The following CDYL2 variants were observed in gnomAD, a reference collection of about 807,000 sequenced individuals.
CDYL2 encodes the protein chromodomain Y-like protein 2.
In CDYL2, 23 loss-of-function variants were observed where a neutral mutation model predicts 49.4. That is an observed-to-expected ratio of 0.47 (90% CI 0.34 to 0.66). CDYL2 has a LOEUF of 0.66. Ranked by LOEUF, CDYL2 falls within the 30% of genes least tolerant of loss-of-function variation. CDYL2 has a pLI of 0.01. For missense variants in CDYL2, 678 were observed against 656.4 expected (o/e 1.03, Z -0.36); for synonymous variants, 360 against 268.8 (o/e 1.34, Z -3.32).
chr16:80,666,021 G>A (rs961394676), intron 2 of CDYL2, among the ~76,000 whole-genome samples: 2 of 152,198 alleles, frequency 1.3e-5, no homozygotes, highest in Non-Finnish European at 2.9e-5. Context: ...AAAGCAGGAA[G>A]CTCCACCTGA....
In CDYL2 at chr16:80,617,048, C is replaced by G. The variant is rs188838528; in HGVS notation, c.1007+3715G>C. Among the ~76,000 whole-genome samples, 235 of 152,310 alleles carry G rather than the reference C, an allele frequency of 1.5e-3. 1 individual carries two copies. Among genetic ancestry groups the G allele is most frequent in the Non-Finnish European group, 3.0e-3 (201 of 68,030 alleles). ...TCCTGAATACCACGTTTGAACAAGC[C>G]ACCTTGTCACCTATGACAAGTTCAG... On this transcript the variant is annotated intron_variant, in intron 4 of 6. Transcript: ENST00000570137.
chr16:80,610,432 T>C (rs1221658787), intron 5 of CDYL2, among the ~76,000 whole-genome samples: 1 of 152,148 alleles, frequency 6.6e-6, no homozygotes, highest in Non-Finnish European at 1.5e-5. Flanking sequence ...AGTCTGTTCC[T>C]AAAAAGGAAC....
intron 3 of CDYL2, among the ~76,000 whole-genome samples, chr16:80,623,353 T>A (rs1907166108): frequency 1.3e-5 from 2 of 152,134 alleles, no homozygotes; most frequent in South Asian, 4.1e-4. Flanking sequence ...CTACCTCAGA[T>A]GAACCAACAA....
At chr16:80,740,455 T>G (rs1315107834) in intron 1 of CDYL2, among the ~76,000 whole-genome samples, 1 of 152,200 alleles carries the variant, frequency 6.6e-6, no homozygotes, top group Non-Finnish European at 1.5e-5. Flanking sequence ...GTACACAAAA[T>G]TTCAGCATTA....
intron 2 of CDYL2, among the ~76,000 whole-genome samples, chr16:80,666,833 T>C (rs1464773907): frequency 1.3e-5 from 2 of 152,200 alleles, no homozygotes; most frequent in Non-Finnish European, 2.9e-5. Flanking sequence ...TTAAGTCCTC[T>C]CTTTCATCTA....
At chr16:80,714,346 C>T (rs866725924) in intron 1 of CDYL2, among the ~76,000 whole-genome samples, 7 of 152,110 alleles carry the variant, frequency 4.6e-5, no homozygotes, top group East Asian at 1.9e-4. Flanking sequence ...GTTCCCCACA[C>T]GAAGAAATGA....
intron 2 of CDYL2, among the ~76,000 whole-genome samples, chr16:80,646,376 T>C (rs913211861): frequency 1.3e-5 from 2 of 151,884 alleles, no homozygotes; most frequent in African/African-American, 4.8e-5. Flanking sequence ...GGAAAAGAAG[T>C]GCACAGAATT....
chr16:80,754,374 C>A (rs937489207), intron 1 of CDYL2, among the ~76,000 whole-genome samples: 1 of 152,122 alleles, frequency 6.6e-6, no homozygotes, highest in Non-Finnish European at 1.5e-5. Flanking sequence ...TTGGAACAAA[C>A]AGAGATTAAG....
chr16:80,632,685 G>A (rs1361174280), intron 3 of CDYL2: 9 of 299,678 alleles, frequency 3.0e-5, no homozygotes, highest in Non-Finnish European at 5.8e-5. Flanking sequence ...ATGACATGCT[G>A]ATGACAACAA....
At chr16:80,640,185 C>A (rs755985175) in intron 2 of CDYL2, among the ~76,000 whole-genome samples, 5 of 152,284 alleles carry the variant, frequency 3.3e-5, no homozygotes, top group Middle Eastern at 3.4e-3. Flanking sequence ...CCAGACTGCA[C>A]ACCTCAAGTA....
chr16:80,632,238 A>G (rs1907596469), intron 3 of CDYL2, among the ~76,000 whole-genome samples: 1 of 152,254 alleles, frequency 6.6e-6, no homozygotes. Context: ...TTTAGCCATA[A>G]AAGGAATGAA....
At chr16:80,627,798 T>G (rs1258647757) in intron 3 of CDYL2, 1 of 152,234 alleles carries the variant, frequency 6.6e-6, no homozygotes, top group East Asian at 1.9e-4. Flanking sequence ...AGTCCCAGAC[T>G]GCTATGCATT....
chr16:80,718,622 G>C (rs1340030371), intron 1 of CDYL2, among the ~76,000 whole-genome samples: 5 of 152,202 alleles, frequency 3.3e-5, no homozygotes, highest in African/African-American at 1.2e-4. Flanking sequence ...GGCCACTATG[G>C]AAAAAGAATG....
chr16:80,632,856 G>A, intron 3 of CDYL2, 163 bp downstream of exon 3: 1 of 626,236 alleles, frequency 1.6e-6, no homozygotes, highest in Non-Finnish European at 2.8e-6. Context: ...ATGGGATAAT[G>A]TATGTAAAAT....
chr16:80,618,070 G>A (rs1037062101), intron 4 of CDYL2, among the ~76,000 whole-genome samples: 3 of 152,112 alleles, frequency 2.0e-5, no homozygotes, highest in Admixed American at 6.6e-5. Flanking sequence ...CCTTTCCCAC[G>A]CCCCCATCCT....
intron 1 of CDYL2, among the ~76,000 whole-genome samples, chr16:80,709,549 C>T (rs1904521235): frequency 7.3e-6 from 1 of 137,706 alleles, no homozygotes; most frequent in Non-Finnish European, 1.5e-5. Context: ...CTGAGCCATG[C>T]AGGAATAAAC....
chr16:80,634,408 A>C (rs1907720540), intron 2 of CDYL2, among the ~76,000 whole-genome samples: 2 of 152,218 alleles, frequency 1.3e-5, no homozygotes, highest in South Asian at 4.1e-4. Context: ...AGAAAACCAA[A>C]CACCGCATGT....
At chr16:80,646,193 G>A (rs1481128440) in intron 2 of CDYL2, among the ~76,000 whole-genome samples, 2 of 151,732 alleles carry the variant, frequency 1.3e-5, no homozygotes, top group African/African-American at 4.8e-5. Flanking sequence ...ACAATATGTG[G>A]GAATTATGGG....
chr16:80,718,101 A>G (rs1181302222), intron 1 of CDYL2, among the ~76,000 whole-genome samples: 1 of 152,188 alleles, frequency 6.6e-6, no homozygotes, highest in Non-Finnish European at 1.5e-5. Context: ...GAAGGGTTAA[A>G]TCAGAGTCCA....
Sources: allele counts gnomAD v4.1 joint callset (sites outside exome capture counted in the v4.1 genomes callset), GRCh38; gene constraint gnomAD v4.1.1; transcripts MANE v1.5; gene names NCBI Gene and HGNC (gene_info 2026-07-23, HGNC 2026-07-21).